The following ZFHX4 variants were observed in gnomAD, a reference collection of about 807,000 sequenced individuals.
ZFHX4 encodes the protein zinc finger homeobox 4, also known as zinc finger homeobox protein 4.
In ZFHX4, 56 loss-of-function variants were observed where a neutral mutation model predicts 267.6. The ratio of observed to expected loss-of-function variants is 0.21; its 90% confidence interval spans 0.17 to 0.26. The LOEUF is 0.26. ZFHX4 is among the 10% of genes least tolerant of loss of function. The pLI, the probability that ZFHX4 is intolerant of heterozygous loss-of-function variation, is 1.00. For synonymous variants in ZFHX4, 1,778 were observed against 1,665.6 expected, an observed-to-expected ratio of 1.07 and a Z score of -1.64; for missense variants, 4,332 against 4,420.0, an observed-to-expected ratio of 0.98 and a Z score of 0.56.
intron 4 of ZFHX4, among the ~76,000 whole-genome samples, chr8:76,817,113 T>C (rs1315659925): frequency 6.6e-6 from 1 of 152,162 alleles, no homozygotes; most frequent in Non-Finnish European, 1.5e-5. Flanking sequence ...CCACATGATA[T>C]GCTTTACAGA....
chr8:76,724,198 A>G (rs1486414676), intron 3 of ZFHX4, among the ~76,000 whole-genome samples: 1 of 152,070 alleles, frequency 6.6e-6, no homozygotes, highest in Non-Finnish European at 1.5e-5. Flanking sequence ...AATCAGTCAA[A>G]TTGGGGGACC....
intron 4 of ZFHX4, among the ~76,000 whole-genome samples, chr8:76,792,060 G>C (rs979808305): frequency 6.6e-6 from 1 of 151,812 alleles, no homozygotes; most frequent in Non-Finnish European, 1.5e-5. Flanking sequence ...TTATATATTC[G>C]TTTACTCTGG....
chr8:76,757,220 A>G (rs1809787754), intron 3 of ZFHX4, among the ~76,000 whole-genome samples: 1 of 152,206 alleles, frequency 6.6e-6, no homozygotes, highest in Non-Finnish European at 1.5e-5. Context: ...TGGAAGCCAG[A>G]CAAAAAGAAT....
rs1563501394 is a variant in ZFHX4, at chr8:76,752,504, A to AAAAAAG, written c.3094-25698_3094-25693dup. Among the ~76,000 whole-genome samples the AAAAAAG allele has an allele frequency of 6.7e-5, 10 of 149,586 alleles. 1 individual carries two copies. The East Asian group carries it at 1.2e-3, about 18-fold the overall frequency. On this transcript the variant is annotated intron_variant, in intron 3 of 10. Coordinates refer to ENST00000651372, the MANE Select transcript of ZFHX4 (RefSeq NM_024721.5). ...CAAAAATCCAAAAAAAAAAAAAAAAAAAAAAGAAAAAAGAACTTTAGCTGG... is the reference window on the plus strand; with the variant it reads ...CAAAAATCCAAAAAAAAAAAAAAAAAAAAAAGAAAAAGAAAAAAGAACTTTAGCTGG...
Position 76,866,887 on chromosome 8 carries a change from G to C in ZFHX4, c.*2322G>C, listed in dbSNP as rs1813048442. 1.3e-5 allele frequency: 2 copies of C among 152,486 alleles called. No homozygotes were observed. Among genetic ancestry groups the C allele is most frequent in the African/African-American group, 4.8e-5 (2 of 41,416 alleles). 9.4% of individuals were successfully genotyped at this position (152,486 alleles called of 1,614,324 possible). A position where few individuals can be genotyped will look rare whatever the true frequency, so the allele number is the denominator to read the frequency against. ...CCTCCAAAGGTTGAGAATGAGAATTGTTTTTTCCTGGATATCAAAGGGATT... is the reference window on the plus strand; with the variant it reads ...CCTCCAAAGGTTGAGAATGAGAATTCTTTTTTCCTGGATATCAAAGGGATT... On this transcript the variant is annotated 3_prime_UTR_variant, in exon 11 of 11. Transcript: ENST00000651372.
chr8:76,715,754 A>G (rs1174481452), intron 3 of ZFHX4, among the ~76,000 whole-genome samples: 1 of 152,048 alleles, frequency 6.6e-6, no homozygotes, highest in Non-Finnish European at 1.5e-5. Context: ...TATTTTCCTT[A>G]TCTTTAAGGA....
chr8:76,731,297 A>T (rs1001965364), intron 3 of ZFHX4, among the ~76,000 whole-genome samples: 18 of 152,188 alleles, frequency 1.2e-4, no homozygotes, highest in Non-Finnish European at 2.4e-4. Context: ...TTTACAACTA[A>T]AAGAGAGTAC....
chr8:76,719,982 A>G (rs1026754150), intron 3 of ZFHX4, among the ~76,000 whole-genome samples: 2 of 152,094 alleles, frequency 1.3e-5, no homozygotes, highest in Non-Finnish European at 2.9e-5. Flanking sequence ...CCTCCACTTC[A>G]TTTTTTTATT....
intron 4 of ZFHX4, among the ~76,000 whole-genome samples, chr8:76,801,730 C>G (rs891889317): frequency 6.6e-6 from 1 of 152,112 alleles, no homozygotes; most frequent in Non-Finnish European, 1.5e-5. Context: ...ATTGATTGAA[C>G]AAGGACTCAC....
At chr8:76,752,485 TCCAAAAAAAAA>T (rs1321355257) in intron 3 of ZFHX4, among the ~76,000 whole-genome samples, 9 of 23,920 alleles carry the variant, frequency 3.8e-4, no homozygotes, top group African/African-American at 5.3e-4. Flanking sequence ...CTACCAAAAA[TCCAAAAAAAAA>T]AAAAAAAAAA....
intron 4 of ZFHX4, among the ~76,000 whole-genome samples, chr8:76,814,080 A>C (rs1318478257): frequency 6.6e-6 from 1 of 152,110 alleles, no homozygotes; most frequent in Non-Finnish European, 1.5e-5. Flanking sequence ...TATTTAAAAA[A>C]AAGATTTTAG....
At chr8:76,744,644 C>A (rs1198012854) in intron 3 of ZFHX4, among the ~76,000 whole-genome samples, 2 of 152,028 alleles carry the variant, frequency 1.3e-5, no homozygotes, top group African/African-American at 4.8e-5. Context: ...CACTCCTGAC[C>A]TCAAGTAATC....
At chr8:76,701,871 G>A (rs1041622521) in intron 1 of ZFHX4, among the ~76,000 whole-genome samples, 2 of 151,982 alleles carry the variant, frequency 1.3e-5, no homozygotes, top group Non-Finnish European at 2.9e-5. Context: ...AATCACCCTC[G>A]GTTCTGGAAC....
chr8:76,864,403 G>A lies in ZFHX4; in HGVS notation c.10689G>A (p.Gly3563=). ...CCTCAAGTTTGTGCAGCACCTCAGG[G>A]GTTCAAACCTCACTACCCACAGAAA... ...TVTSSLCSTS[G]VQTSLPTESC... Residue 3563 remains glycine, a synonymous_variant, in exon 11 of 11, where the codon GGG becomes GGA. Transcript: ENST00000651372. 1.9e-6 allele frequency: 3 copies of A among 1,613,718 alleles called. No homozygotes were observed. Among genetic ancestry groups the A allele is most frequent in the African/African-American group, 1.3e-5 (1 of 74,976 alleles).
rs1350349272 is a variant in ZFHX4, at chr8:76,854,936, A to T, written c.8015A>T (p.Gln2672Leu). ...CAGTTCCGGGCGGTGGGTCCAGCAC[A>T]GTCTCATAAACGGTGTCCGTTTTGC... ...KGQFRAVGPA[Q>L]SHKRCPFCRA... is the part of the protein sequence containing the mutation. Residue 2672 changes from glutamine to leucine, a missense_variant, in exon 10 of 11, where the codon CAG becomes CTG. Gln to Leu is a moderately radical substitution (Grantham distance 113, BLOSUM62 -2). Around this residue, in one of 7 missense-constraint regions of ZFHX4, gnomAD observed 1,648 missense variants for 1,625.0 expected, o/e 1.01. Coordinates refer to ENST00000651372, the MANE Select transcript of ZFHX4 (RefSeq NM_024721.5). The T allele has an allele frequency of 1.9e-6, 3 of 1,613,986 alleles. No individual in the cohort carries two copies. The South Asian group carries it at 3.3e-5, about 18-fold the overall frequency.
intron 5 of ZFHX4, among the ~76,000 whole-genome samples, chr8:76,842,297 G>A (rs1449396533): frequency 6.6e-6 from 1 of 151,958 alleles, no homozygotes; most frequent in Non-Finnish European, 1.5e-5. Context: ...ATCTATCCCA[G>A]TCTATGGAAC....
At position 76,706,268 on chromosome 8, in the gene ZFHX4, T is replaced by C; in HGVS notation, c.2180T>C (p.Val727Ala). The change falls in exon 2 of 11, where the codon GTT (valine) becomes GCT (alanine). Residue 727 changes from valine (V) to alanine (A), a missense_variant. Transcript: ENST00000651372. Reference sequence around the variant, plus strand: ...CAGTCGGACAAGCACCTGAACAATGTTCAGAATCTCCAAAATGGCAATGGT... The same window carrying C: ...CAGTCGGACAAGCACCTGAACAATGCTCAGAATCTCCAAAATGGCAATGGT... The part of the protein sequence containing the change: ...HMQSDKHLNN[V>A]QNLQNGNGEQ... The C allele has an allele frequency of 6.2e-7, 1 of 1,614,052 alleles. No individual in the cohort carries two copies. Among genetic ancestry groups the C allele is most frequent in the Non-Finnish European group, 8.5e-7 (1 of 1,179,994 alleles).
At chr8:76,696,989 G>A (rs1807975731) in intron 1 of ZFHX4, among the ~76,000 whole-genome samples, 1 of 151,932 alleles carries the variant, frequency 6.6e-6, no homozygotes, top group Non-Finnish European at 1.5e-5. Flanking sequence ...CAAGAAATAG[G>A]AATGTTTGCT....
intron 3 of ZFHX4, among the ~76,000 whole-genome samples, chr8:76,715,074 C>A (rs1011169277): frequency 6.6e-6 from 1 of 152,056 alleles, no homozygotes; most frequent in African/African-American, 2.4e-5. Flanking sequence ...TTTTAGACAA[C>A]GATTATGGTG....
Sources: gnomAD v4.1 joint callset for allele counts (sites outside exome capture counted in the v4.1 genomes callset) on GRCh38, gnomAD v4.1.1 for gene constraint, gnomAD v4.1.1 regional missense constraint, MANE v1.5 for transcripts, NCBI Gene and HGNC (gene_info 2026-07-23, HGNC 2026-07-21) for gene names.